Variants in USP14 observed in about 807,000 individuals in gnomAD.
USP14 encodes ubiquitin carboxyl-terminal hydrolase 14.
USP14 carries 38 observed loss-of-function variants against 76.5 expected under a neutral mutation model. The ratio of observed to expected loss-of-function variants is 0.50; its 90% CI spans 0.38 to 0.65. USP14 has a LOEUF of 0.65. Among genes scored for constraint, USP14 ranks in the 30% least tolerant of loss-of-function variants. USP14 has a pLI of 0.00. For missense variants in USP14, 467 were observed against 586.5 expected, an observed-to-expected ratio of 0.80 and a Z score of 2.10; for synonymous variants, 192 against 191.7, an observed-to-expected ratio of 1.00 and a Z score of -0.01.
chr18:160,010 TTAAG>T (rs1197225673), intron 1 of USP14, among the ~76,000 whole-genome samples: 1 of 152,132 alleles, frequency 6.6e-6, no homozygotes, highest in Non-Finnish European at 1.5e-5. Flanking sequence ...TAGTAGAAAA[TTAAG>T]TATCTAGTCT....
chr18:190,410 C>A (rs925236408), intron 5 of USP14, among the ~76,000 whole-genome samples: 1 of 152,082 alleles, frequency 6.6e-6, no homozygotes, highest in Non-Finnish European at 1.5e-5. Context: ...AACGGAGGTA[C>A]CAATTCATAT....
intron 13 of USP14, among the ~76,000 whole-genome samples, chr18:208,321 C>T (rs1242044587): frequency 1.3e-5 from 2 of 152,092 alleles, no homozygotes; most frequent in East Asian, 3.9e-4. Flanking sequence ...CTTTTGATGT[C>T]TGTAGAGTGT....
At chr18:169,257 G>T (rs1909370792) in intron 3 of USP14, among the ~76,000 whole-genome samples, 1 of 150,176 alleles carries the variant, frequency 6.7e-6, no homozygotes, top group South Asian at 2.1e-4. Context: ...CGAGTGTCAT[G>T]GTGCACGCCA....
At position 212,985 on chromosome 18, in the gene USP14, A is replaced by G. The variant is rs1351167584; in HGVS notation, c.*1701A>G. ...TCTGTGAACACTAGGAGGGGATAAA[A>G]TAAGCATTGCAGGGAAACTTATTTG... On this transcript the variant is annotated 3_prime_UTR_variant, in exon 16 of 16. Transcript: ENST00000261601. 6.6e-6 allele frequency: 1 copy of G among 152,240 alleles called. No individual in the cohort carries two copies. The highest frequency in any genetic ancestry group is 6.5e-5 in the Admixed American group (1 of 15,284). The allele number at this position is 152,240 out of a possible 1,614,324, so 9.4% of individuals were successfully genotyped here. A position where few individuals can be genotyped will look rare whatever the true frequency, so the allele number is the denominator to read the frequency against.
chr18:185,521 A>C lies in USP14; in HGVS notation c.404+5182A>C, dbSNP rs73364336. 4.5e-3 allele frequency among the ~76,000 whole-genome samples: 692 copies of C among 152,270 alleles called. 2 individuals carry two copies. Among genetic ancestry groups the C allele is most frequent in the African/African-American group, 0.016 (663 of 41,556 alleles). On this transcript the variant is annotated intron_variant, in intron 5 of 15. Coordinates refer to ENST00000261601, the MANE Select transcript of USP14 (RefSeq NM_005151.4). ...GTGAGATGCTCATATTATGAGAGGC[A>C]TGCAAGAACTGAGACACTCGGAGAG...
intron 13 of USP14, among the ~76,000 whole-genome samples, chr18:206,009 C>A (rs1479829845): frequency 6.6e-6 from 1 of 152,194 alleles, no homozygotes; most frequent in African/African-American, 2.4e-5. Flanking sequence ...GATGAATAAA[C>A]CTGCTGTAAA....
chr18:203,461 A>T lies in USP14; in HGVS notation c.1035+271A>T, dbSNP rs576797334. Among the ~76,000 whole-genome samples, 11 of 152,086 alleles carry T rather than the reference A, an allele frequency of 7.2e-5. No individual in the cohort carries two copies. The South Asian group carries it at 2.3e-3, about 32-fold the overall frequency. Reference sequence around the variant, plus strand: ...GGGGCCTAGGATATTATATTTTTCAAAAGATTCATATACAATTCTGATGGC... The same window carrying T: ...GGGGCCTAGGATATTATATTTTTCATAAGATTCATATACAATTCTGATGGC... On this transcript the variant is annotated intron_variant, in intron 12 of 15. Transcript: ENST00000261601.
intron 2 of USP14, 77 bp downstream of exon 2, chr18:163,530 A>G: frequency 6.7e-7 from 1 of 1,493,452 alleles, no homozygotes; most frequent in Admixed American, 2.2e-5. Flanking sequence ...AAATTATTTA[A>G]TTTTAATGTA....
chr18:204,498 T>C (rs545513200), intron 12 of USP14, 66 bp from the exon 13 acceptor site: 132 of 1,280,082 alleles, frequency 1.0e-4, no homozygotes, highest in Non-Finnish European at 1.3e-4. Context: ...ACTTCAGATA[T>C]GTGATACTTT....
rs544748265 is a variant in USP14, at chr18:213,777, A to G, written c.*2493A>G. 6.6e-6 allele frequency: 1 copy of G among 152,342 alleles called. No individual in the cohort carries two copies. Among genetic ancestry groups the G allele is most frequent in the East Asian group, 1.9e-4 (1 of 5,186 alleles). 9.4% of individuals were successfully genotyped at this position (152,342 alleles called of 1,614,324 possible). On this transcript the variant is annotated 3_prime_UTR_variant, in exon 16 of 16. Coordinates refer to ENST00000261601, the MANE Select transcript of USP14 (RefSeq NM_005151.4). ...AAAGTCGGTGGTACTGTCTTCTGCTACTACTACTTAGTGCTTTGCTGTGTA... is the reference window on the plus strand; with the variant it reads ...AAAGTCGGTGGTACTGTCTTCTGCTGCTACTACTTAGTGCTTTGCTGTGTA...
chr18:200,224 C>G (rs1322298932), intron 10 of USP14, among the ~76,000 whole-genome samples: 12 of 152,104 alleles, frequency 7.9e-5, no homozygotes, highest in Admixed American at 7.9e-4. Context: ...GAACTGTTAA[C>G]TTTAAGGAAA....
chr18:203,119 G>A lies in USP14; in HGVS notation c.964G>A (p.Ala322Thr). 6.2e-7 allele frequency: 1 copy of A among 1,614,090 alleles called. No individual in the cohort carries two copies. The highest frequency in any genetic ancestry group is 8.5e-7 in the Non-Finnish European group (1 of 1,179,988). ...TCAGTCCAAGATCAGCCGGCTGCCT[G>A]CTTACTTGACCATTCAGATGGTTCG... ...IKSSKISRLPAYLTIQMVRFF... is the reference protein window; with the variant it reads ...IKSSKISRLPTYLTIQMVRFF... The change falls in exon 12 of 16, where the codon GCT becomes ACT. Residue 322 changes from alanine to threonine, a missense_variant. Physicochemically the swap from Ala to Thr is moderately conservative, Grantham distance 58. Coordinates refer to ENST00000261601, the MANE Select transcript of USP14 (RefSeq NM_005151.4).
rs150701945 is a variant in USP14 at position 198,075 on chromosome 18, C to A, written c.704C>A (p.Thr235Lys). The change falls in exon 9 of 16, where the codon ACA (threonine) becomes AAA (lysine). Residue 235 changes from threonine to lysine, a missense_variant. Transcript: ENST00000261601. ...GACTCCTCATCTGCATCGGCAGCGA[C>A]ACCTTCTAAAAAGAAAAGTTTAATC... Reference protein sequence around the residue: ...ETDSSSASAATPSKKKSLIDQ... With the variant: ...ETDSSSASAAKPSKKKSLIDQ... 101 of 1,611,086 alleles carry A rather than the reference C, an allele frequency of 6.3e-5. No individual in the cohort carries two copies. The African/African-American group carries it at 1.2e-3, about 19-fold the overall frequency.
intron 5 of USP14, among the ~76,000 whole-genome samples, chr18:183,773 G>T (rs1386242911): frequency 5.6e-5 from 8 of 143,052 alleles, no homozygotes; most frequent in South Asian, 2.2e-4. Flanking sequence ...CTTGTTGTTT[G>T]GCCTTTTAAC....
intron 6 of USP14, among the ~76,000 whole-genome samples, chr18:193,726 A>G (rs1034163792): frequency 2.0e-5 from 3 of 152,146 alleles, no homozygotes; most frequent in Admixed American, 2.0e-4. Flanking sequence ...ACTTAGTATA[A>G]TGTTTTCAGG....
At chr18:202,858 C>T (rs1435199356) in intron 10 of USP14, 22 bp from the exon 11 acceptor site, 1 of 1,612,986 alleles carries the variant, frequency 6.2e-7, no homozygotes, top group Non-Finnish European at 8.5e-7. Context: ...AATGTTTGGT[C>T]TTCTGTTATG....
intron 1 of USP14, among the ~76,000 whole-genome samples, chr18:159,281 A>G (rs477066): frequency 0.62 from 93,737 of 151,964 alleles, 29,079 homozygotes; most frequent in South Asian, 0.7. Context: ...CGTTTCATCA[A>G]ACGTTGCATT....
intron 2 of USP14, among the ~76,000 whole-genome samples, chr18:165,755 G>T (rs532828170): frequency 1.3e-5 from 2 of 152,014 alleles, no homozygotes; most frequent in South Asian, 2.1e-4. Flanking sequence ...ATCTTAGGGG[G>T]CATTTATAGT....
intron 13 of USP14, among the ~76,000 whole-genome samples, chr18:206,182 G>A (rs1910524704): frequency 6.6e-6 from 1 of 152,198 alleles, no homozygotes. Context: ...CACCAGCAAG[G>A]TGAGACTGAT....
Sources: gnomAD v4.1 joint callset for allele counts (sites outside exome capture counted in the v4.1 genomes callset) on GRCh38, gnomAD v4.1.1 for gene constraint, MANE v1.5 for transcripts, NCBI Gene and HGNC (gene_info 2026-07-23, HGNC 2026-07-21) for gene names.